The following KCNK2 variants were observed in gnomAD, a reference collection of about 807,000 sequenced individuals.
KCNK2 encodes potassium two pore domain channel subfamily K member 2, also known as potassium channel subfamily K member 2.
In KCNK2, 21 loss-of-function variants were observed where a neutral mutation model predicts 40.5. The observed-to-expected ratio is 0.52, with a 90% CI of 0.37 to 0.75. The LOEUF (loss-of-function observed/expected upper bound fraction) is 0.75, where lower values mean the gene tolerates loss of function less well. KCNK2 is among the 30% of genes least tolerant of loss of function. The pLI is 0.00. For missense variants in KCNK2, 399 were observed against 531.6 expected, an observed-to-expected ratio of 0.75 and a Z score of 2.45; for synonymous variants, 191 against 202.2, an observed-to-expected ratio of 0.94 and a Z score of 0.47.
At position 215,006,997 on chromosome 1, in the gene KCNK2, CTATATATA is replaced by C. The variant is rs199497700; in HGVS notation, c.34+1076_34+1083del. On this transcript the variant is annotated intron_variant, in intron 1 of 6. Coordinates refer to the KCNK2 transcript ENST00000391895. Reference sequence around the variant, plus strand: ...ATCACTAAGTTTGGGGACCAATTCACTATATATATATATATATATATATATATATATAT... The same window carrying C: ...ATCACTAAGTTTGGGGACCAATTCACTATATATATATATATATATATATAT... Among the ~76,000 whole-genome samples the C allele has an allele frequency of 2.7e-3, 217 of 81,674 alleles. 5 individuals carry two copies. Among genetic ancestry groups the C allele is most frequent in the African/African-American group, 0.011 (171 of 15,348 alleles). 53.6% of individuals were successfully genotyped at this position (81,674 alleles called of 152,430 possible). A position where few individuals can be genotyped will look rare whatever the true frequency, so the allele number is the denominator to read the frequency against.
At chr1:215,008,451 G>T (rs905016512) in intron 1 of KCNK2, among the ~76,000 whole-genome samples, 3 of 152,024 alleles carry the variant, frequency 2.0e-5, no homozygotes, top group Non-Finnish European at 4.4e-5. Flanking sequence ...AGTATTTTCA[G>T]TCAGTCAAAT....
At chr1:215,177,521 TA>T (rs1664025860) in intron 5 of KCNK2, among the ~76,000 whole-genome samples, 1 of 151,794 alleles carries the variant, frequency 6.6e-6, no homozygotes, top group Non-Finnish European at 1.5e-5. Context: ...CATCTTGAGT[TA>T]ATTTTTGTAT....
At chr1:215,172,584 G>A (rs1329000670) in intron 5 of KCNK2, among the ~76,000 whole-genome samples, 1 of 151,996 alleles carries the variant, frequency 6.6e-6, no homozygotes, top group Non-Finnish European at 1.5e-5. Context: ...TTATATTATA[G>A]GCCCATCCTA....
In KCNK2 at chr1:215,113,150, A is replaced by C. The variant is rs1290159964; in HGVS notation, c.358-11483A>C. 2.0e-5 allele frequency among the ~76,000 whole-genome samples: 3 copies of C among 152,202 alleles called. No homozygotes were observed. In the East Asian group the frequency reaches 5.8e-4, roughly 29 times the overall value. ...AAGGCCTGATGACTATTTAGAATGC[A>C]TCATACACGTGGATAAAATAAAATG... On this transcript the variant is annotated intron_variant, in intron 2 of 6. Coordinates refer to ENST00000444842, the MANE Select transcript of KCNK2 (RefSeq NM_001017425.3).
chr1:215,196,087 ATTTT>A (rs5780818), intron 6 of KCNK2, among the ~76,000 whole-genome samples: 1 of 144,934 alleles, frequency 6.9e-6, no homozygotes. Context: ...AAGTCATATA[ATTTT>A]TTTTTTTTTT....
intron 1 of KCNK2, among the ~76,000 whole-genome samples, chr1:215,009,874 G>C (rs745634216): frequency 6.6e-6 from 1 of 152,052 alleles, no homozygotes; most frequent in African/African-American, 2.4e-5. Context: ...AGAGAATGAA[G>C]TTATTCATAT....
intron 6 of KCNK2, among the ~76,000 whole-genome samples, chr1:215,217,648 G>A (rs1666013991): frequency 6.6e-6 from 1 of 151,866 alleles, no homozygotes; most frequent in Admixed American, 6.6e-5. Flanking sequence ...TGATTTCCCA[G>A]GAAAAAGAAA....
chr1:215,062,406 C>T (rs1316353814), intron 1 of KCNK2, among the ~76,000 whole-genome samples: 2 of 151,916 alleles, frequency 1.3e-5, no homozygotes, highest in South Asian at 2.1e-4. Context: ...TTGTTGAATC[C>T]TATGGCTAGT....
chr1:215,209,497 A>ATTAT (rs1558140416), intron 6 of KCNK2, among the ~76,000 whole-genome samples: 15 of 1,314 alleles, frequency 0.011, 1 homozygote, highest in Non-Finnish European at 0.022. Flanking sequence ...ACATATATAT[A>ATTAT]ATATATAATA....
chr1:215,070,556 G>T (rs1366518337), intron 1 of KCNK2, among the ~76,000 whole-genome samples: 1 of 152,036 alleles, frequency 6.6e-6, no homozygotes, highest in African/African-American at 2.4e-5. Flanking sequence ...GCAGGCAAGA[G>T]AGCTTGTGCA....
At chr1:215,195,309 G>A (rs1475354488) in intron 6 of KCNK2, among the ~76,000 whole-genome samples, 1 of 151,864 alleles carries the variant, frequency 6.6e-6, no homozygotes, top group Admixed American at 6.6e-5. Context: ...TCTCAGAACT[G>A]AGGGTAATTT....
intron 2 of KCNK2, among the ~76,000 whole-genome samples, chr1:215,100,676 C>G (rs769275105): frequency 6.6e-6 from 1 of 151,958 alleles, no homozygotes; most frequent in Non-Finnish European, 1.5e-5. Flanking sequence ...TCAGAACACC[C>G]AATTTACTCC....
At chr1:215,174,938 T>C (rs575015450) in intron 5 of KCNK2, among the ~76,000 whole-genome samples, 1 of 152,278 alleles carries the variant, frequency 6.6e-6, no homozygotes, top group South Asian at 2.1e-4. Context: ...CTTCCTCTTT[T>C]CCTAATTGAA....
chr1:215,228,975 G>A (rs978695110), intron 6 of KCNK2, among the ~76,000 whole-genome samples: 11 of 152,004 alleles, frequency 7.2e-5, no homozygotes, highest in African/African-American at 2.7e-4. Context: ...CAACCCATGG[G>A]CCGTGGGCTG....
At chr1:215,005,816 T>C (rs567512690), upstream of KCNK2, 1 of 971,724 alleles carries the variant, frequency 1.0e-6, no homozygotes, top group South Asian at 1.3e-5. Context: ...GACGATGGCT[T>C]GTTAGTACAA....
intron 1 of KCNK2, among the ~76,000 whole-genome samples, chr1:215,043,594 A>G (rs1657640978): frequency 6.6e-6 from 1 of 152,224 alleles, no homozygotes; most frequent in African/African-American, 2.4e-5. Flanking sequence ...GAGTAGTCAG[A>G]ATCATAGAGA....
chr1:215,229,633 AAGAC>A (rs1366999835), intron 6 of KCNK2, among the ~76,000 whole-genome samples: 1 of 152,022 alleles, frequency 6.6e-6, no homozygotes, highest in Non-Finnish European at 1.5e-5. Flanking sequence ...CACAGACTGG[AAGAC>A]AGAGTGAAAC....
At chr1:215,029,052 T>G (rs753710822) in intron 1 of KCNK2, among the ~76,000 whole-genome samples, 1 of 151,776 alleles carries the variant, frequency 6.6e-6, no homozygotes, top group Non-Finnish European at 1.5e-5. Flanking sequence ...TACCCCTGCC[T>G]CCATACATGA....
intron 2 of KCNK2, among the ~76,000 whole-genome samples, chr1:215,100,299 G>C (rs545520392): frequency 6.6e-6 from 1 of 151,916 alleles, no homozygotes; most frequent in Admixed American, 6.6e-5. Flanking sequence ...GCCCAAAATA[G>C]GTGAGAAAGG....
Sources: gnomAD v4.1 joint callset for allele counts (sites outside exome capture counted in the v4.1 genomes callset) on GRCh38, gnomAD v4.1.1 for gene constraint, MANE v1.5 for transcripts, NCBI Gene and HGNC (gene_info 2026-07-23, HGNC 2026-07-21) for gene names.